The following CLCN6 variants were observed in gnomAD, a reference collection of about 807,000 sequenced individuals.
CLCN6 encodes the protein H(+)/Cl(-) exchange transporter 6.
Under a neutral mutation model 109.8 loss-of-function variants are expected in CLCN6, and 70 were observed. The observed-to-expected ratio is 0.64, with a 90% CI of 0.53 to 0.78. The LOEUF is 0.78. Among genes scored for constraint, CLCN6 ranks in the 30% least tolerant of loss-of-function variants. CLCN6 has a pLI of 0.00. For missense variants in CLCN6, 984 were observed against 1,142.3 expected (o/e 0.86, Z 2.00); for synonymous variants, 444 against 447.8 (o/e 0.99, Z 0.11).
In CLCN6 at chr1:11,835,852, A is replaced by G. The variant is rs914971727; in HGVS notation, c.1794-115A>G. ...GTTTGAGGGAGAGCTGGGGCAGTTC[A>G]GAAGAGCCCCCCACCCCGCCCGTGG... On this transcript the variant is annotated intron_variant, in intron 17 of 22. Transcript: ENST00000346436. The G allele has an allele frequency of 3.9e-6, 3 of 767,664 alleles. No homozygotes were observed. The African/African-American group carries it at 5.3e-5, about 14-fold the overall frequency. The allele number at this position is 767,664 out of a possible 1,614,324, so 47.6% of individuals were successfully genotyped here.
chr1:11,836,899 T>C (rs1557434493), intron 18 of CLCN6, 100 bp from the exon 19 acceptor site: 1 of 1,388,752 alleles, frequency 7.2e-7, no homozygotes, highest in East Asian at 2.3e-5. Context: ...TGCGTCCGGA[T>C]GTGCTTCTGA....
At chr1:11,807,031 C>G in intron 1 of CLCN6, 100 bp from the exon 2 acceptor site, 1 of 1,067,602 alleles carries the variant, frequency 9.4e-7, no homozygotes, top group South Asian at 1.3e-5. Flanking sequence ...ATAATGGCTC[C>G]AGATGATTTA....
intron 13 of CLCN6, among the ~76,000 whole-genome samples, chr1:11,830,764 T>TATATATATATATACACAC (rs1202765592): frequency 1.7e-5 from 2 of 115,612 alleles, no homozygotes; most frequent in African/African-American, 7.3e-5. Context: ...TATATATATA[T>TATATATATATATACACAC]ACACACACAC....
At chr1:11,807,324 C>T in intron 2 of CLCN6, 134 bp downstream of exon 2, 2 of 732,028 alleles carry the variant, frequency 2.7e-6, no homozygotes, top group Non-Finnish European at 4.7e-6. Context: ...AGAGAACTTC[C>T]TTCTAGGAAA....
chr1:11,817,003 C>G (rs1414205824), intron 4 of CLCN6, among the ~76,000 whole-genome samples: 1 of 152,120 alleles, frequency 6.6e-6, no homozygotes, highest in East Asian at 1.9e-4. Flanking sequence ...GGATCATAAT[C>G]TCTAATCTAC....
At chr1:11,806,503 C>T (rs1644513231) in intron 1 of CLCN6, 154 bp downstream of exon 1, 1 of 553,964 alleles carries the variant, frequency 1.8e-6, no homozygotes, top group Non-Finnish European at 3.0e-6. Context: ...GTCTACCCTG[C>T]TTCACGTGCC....
intron 5 of CLCN6, chr1:11,820,352 T>C (rs1644725436): frequency 1.4e-6 from 1 of 715,782 alleles, no homozygotes; most frequent in Admixed American, 2.0e-5. Flanking sequence ...TATTTCATAC[T>C]ATAAATAAGA....
chr1:11,807,046 C>G (rs1557775394), intron 1 of CLCN6, 85 bp from the exon 2 acceptor site: 2 of 1,205,908 alleles, frequency 1.7e-6, no homozygotes, highest in Non-Finnish European at 1.2e-6. Flanking sequence ...GATTTAGAAG[C>G]TAGCCACTGA....
rs201632773 is a variant in CLCN6 at position 11,819,573 on chromosome 1, CT to C, written c.346+20del. 1.1e-3 allele frequency: 1,723 copies of C among 1,612,070 alleles called. 25 individuals are homozygous for C. In the African/African-American group the frequency reaches 0.021, roughly 19 times the overall value. On this transcript the variant is annotated intron_variant, in intron 5 of 22. Transcript: ENST00000346436. ...CAGACATGTATCCTTTTCACGGTTC[CT>C]GGTGTTCGTGGACTTCAGTGGTCAC... is the stretch of plus-strand genomic sequence containing the variant.
At chr1:11,836,647 G>C (rs903632421) in intron 18 of CLCN6, among the ~76,000 whole-genome samples, 2 of 151,624 alleles carry the variant, frequency 1.3e-5, no homozygotes, top group African/African-American at 4.8e-5. Context: ...AGAATCCAGG[G>C]AGAGGGGGTA....
chr1:11,822,234 C>G (rs1479946379), intron 5 of CLCN6, among the ~76,000 whole-genome samples: 1 of 152,018 alleles, frequency 6.6e-6, no homozygotes, highest in Admixed American at 6.6e-5. Flanking sequence ...TGAAGTATTT[C>G]CTAATGTCAA....
chr1:11,824,693 A>C (rs1351291898), intron 8 of CLCN6, 140 bp downstream of exon 8: 2 of 544,436 alleles, frequency 3.7e-6, no homozygotes, highest in South Asian at 3.9e-5. Flanking sequence ...CCATGTGTCT[A>C]TCTCTCAGGA....
intron 12 of CLCN6, 116 bp from the exon 13 acceptor site, chr1:11,829,080 C>T (rs908228498): frequency 1.7e-6 from 2 of 1,180,304 alleles, no homozygotes; most frequent in Non-Finnish European, 2.4e-6. Context: ...TGACCAGGGG[C>T]TGCTGTGAAT....
At position 11,807,831 on chromosome 1, in the gene CLCN6, A is replaced by G. The variant is rs114893690; in HGVS notation, c.147+641A>G. 8.0e-3 allele frequency among the ~76,000 whole-genome samples: 1,222 copies of G among 152,326 alleles called. 12 individuals are homozygous for G. The highest frequency in any genetic ancestry group is 0.028 in the African/African-American group (1,169 of 41,562). On this transcript the variant is annotated intron_variant, in intron 2 of 22. Transcript: ENST00000346436. ...TTTCTACATCCTTACCCATGCTTTT[A>G]TATACATGATACATGCTTTTTTTAA...
rs1254977671 is a variant in CLCN6, at chr1:11,838,624, C to A, written c.2493C>A (p.Gly831=). ...TCTTCAACCTGTTCAGAACGATGGGCCTGCGCCACCTGCCCGTGGTGAACG... is the reference window on the plus strand; with the variant it reads ...TCTTCAACCTGTTCAGAACGATGGGACTGCGCCACCTGCCCGTGGTGAACG... The part of the protein sequence containing the change: ...SQVFNLFRTM[G]LRHLPVVNAV... The change falls in exon 22 of 23, where the codon GGC becomes GGA. Residue 831 remains glycine, a synonymous_variant. Coordinates refer to ENST00000346436, the MANE Select transcript of CLCN6 (RefSeq NM_001286.5). The A allele has an allele frequency of 2.5e-6, 4 of 1,614,120 alleles. No individual in the cohort carries two copies. Among genetic ancestry groups the A allele is most frequent in the Admixed American group, 1.7e-5 (1 of 60,006 alleles).
At chr1:11,838,252 C>T in intron 20 of CLCN6, 83 bp from the exon 21 acceptor site, 1 of 1,227,146 alleles carries the variant, frequency 8.1e-7, no homozygotes, top group South Asian at 1.2e-5. Flanking sequence ...TGGGCATATT[C>T]AGGCATCAAG....
At chr1:11,822,294 T>C (rs1644755583) in intron 5 of CLCN6, among the ~76,000 whole-genome samples, 1 of 152,204 alleles carries the variant, frequency 6.6e-6, no homozygotes, top group Non-Finnish European at 1.5e-5. Flanking sequence ...GGCCTCACAC[T>C]GTTGCCTAGG....
intron 2 of CLCN6, among the ~76,000 whole-genome samples, chr1:11,808,271 T>TG: frequency 3.1e-5 from 4 of 127,512 alleles, no homozygotes; most frequent in Admixed American, 2.3e-4. Context: ...GTGTGTGTGT[T>TG]TTAAAGTAAA....
At chr1:11,836,251 C>G (rs1157863075) in intron 18 of CLCN6, 98 bp downstream of exon 18, 6 of 1,146,530 alleles carry the variant, frequency 5.2e-6, no homozygotes, top group Admixed American at 2.7e-5. Flanking sequence ...GGTGGACTTA[C>G]CGGCTCTCAG....
Sources: allele counts gnomAD v4.1 joint callset (sites outside exome capture counted in the v4.1 genomes callset), GRCh38; gene constraint gnomAD v4.1.1; transcripts MANE v1.5; gene names NCBI Gene and HGNC (gene_info 2026-07-23, HGNC 2026-07-21).